MALRD1: variants seen among roughly 807,000 people sequenced by gnomAD.
MALRD1 encodes MAM and LDL-receptor class A domain-containing protein 1.
A neutral mutation model predicts 242.1 loss-of-function variants in MALRD1; 247 were observed. The observed-to-expected ratio is 1.02, with a 90% CI of 0.92 to 1.13. The LOEUF (loss-of-function observed/expected upper bound fraction) is 1.13, where lower values mean the gene tolerates loss of function less well. Among genes scored for constraint, MALRD1 ranks in the 50% most tolerant of loss-of-function variants. The pLI, the probability that MALRD1 is intolerant of heterozygous loss-of-function variation, is 0.00. For synonymous variants in MALRD1, 995 were observed against 866.6 expected, an observed-to-expected ratio of 1.15 and a Z score of -2.60; for missense variants, 2,989 against 2,533.1, an observed-to-expected ratio of 1.18 and a Z score of -3.86.
intron 26 of MALRD1, among the ~76,000 whole-genome samples, chr10:19,385,230 T>A (rs1846026424): frequency 6.6e-6 from 1 of 152,016 alleles, no homozygotes; most frequent in South Asian, 2.1e-4. Context: ...TCTCCTTTTG[T>A]AGTGTTTGTG....
chr10:19,528,584 T>A (rs577036025), intron 31 of MALRD1, among the ~76,000 whole-genome samples: 39 of 152,244 alleles, frequency 2.6e-4, no homozygotes, highest in African/African-American at 8.9e-4. Flanking sequence ...AGAGCAAGAC[T>A]CCGTCTCTAA....
chr10:19,141,860 C>G (rs1272975192), intron 10 of MALRD1, among the ~76,000 whole-genome samples: 1 of 152,050 alleles, frequency 6.6e-6, no homozygotes, highest in South Asian at 2.1e-4. Flanking sequence ...GATATTGTCT[C>G]TAGATGTCTT....
intron 18 of MALRD1, among the ~76,000 whole-genome samples, chr10:19,243,924 C>T (rs184497947): frequency 6.6e-6 from 1 of 151,486 alleles, no homozygotes; most frequent in Non-Finnish European, 1.5e-5. Context: ...GAAAGAAATG[C>T]AAAAAAAGTA....
chr10:19,259,839 T>C (rs1036412171), intron 19 of MALRD1, among the ~76,000 whole-genome samples: 2 of 152,188 alleles, frequency 1.3e-5, no homozygotes, highest in African/African-American at 4.8e-5. Flanking sequence ...CAACACAGTT[T>C]CTTTCTTATC....
At chr10:19,423,420 ATAGG>A (rs1221755163) in intron 28 of MALRD1, among the ~76,000 whole-genome samples, 1 of 152,024 alleles carries the variant, frequency 6.6e-6, no homozygotes, top group East Asian at 1.9e-4. Context: ...ATATTAAATG[ATAGG>A]TAGATTAATC....
rs1354787307 is a variant in MALRD1 at position 19,073,877 on chromosome 10, C to CATT, written c.340+7018_340+7019insATT. 5.9e-5 allele frequency among the ~76,000 whole-genome samples: 9 copies of CATT among 152,076 alleles called. No individual in the cohort carries two copies. In the East Asian group the frequency reaches 1.5e-3, roughly 26 times the overall value. ...AAAATTTGGGTTTGAATAAATTTCT[C>CATT]TGAGACTAGAGACAAACTCTGACTC... On this transcript the variant is annotated intron_variant, in intron 2 of 39. Transcript: ENST00000454679.
chr10:19,435,128 TATA>T (rs1236145057), intron 28 of MALRD1, among the ~76,000 whole-genome samples: 2 of 149,232 alleles, frequency 1.3e-5, no homozygotes, highest in African/African-American at 4.9e-5. Context: ...TAATATATTT[TATA>T]ATATATATTT....
At chr10:19,283,331 G>A in intron 21 of MALRD1, 150 bp downstream of exon 21, 1 of 631,474 alleles carries the variant, frequency 1.6e-6, no homozygotes, top group Admixed American at 4.2e-5. Flanking sequence ...CATACAAAAT[G>A]GAAAAATTAT....
chr10:19,365,621 G>C (rs1845073369), intron 26 of MALRD1, among the ~76,000 whole-genome samples: 1 of 131,048 alleles, frequency 7.6e-6, no homozygotes, highest in East Asian at 2.5e-4. Flanking sequence ...GATTCATTAA[G>C]ATTTCTCAGT....
chr10:19,440,211 T>A (rs1054228616), intron 28 of MALRD1, among the ~76,000 whole-genome samples: 2 of 152,210 alleles, frequency 1.3e-5, no homozygotes, highest in African/African-American at 2.4e-5. Context: ...TATATACTAG[T>A]TTTTAGTCCA....
At chr10:19,087,066 G>A (rs1835693283) in intron 2 of MALRD1, among the ~76,000 whole-genome samples, 1 of 151,988 alleles carries the variant, frequency 6.6e-6, no homozygotes, top group Non-Finnish European at 1.5e-5. Context: ...TATCTTATCT[G>A]TATTTTACTG....
At chr10:19,231,881 A>C (rs1838096381) in intron 18 of MALRD1, among the ~76,000 whole-genome samples, 1 of 151,912 alleles carries the variant, frequency 6.6e-6, no homozygotes, top group African/African-American at 2.4e-5. Flanking sequence ...AACTTGACTC[A>C]TATAGACTTA....
intron 7 of MALRD1, among the ~76,000 whole-genome samples, chr10:19,125,369 CTTTCTTTCT>C (rs1837245621): frequency 4.3e-5 from 5 of 115,038 alleles, no homozygotes; most frequent in East Asian, 2.5e-4. Flanking sequence ...TTCTTTCTTT[CTTTCTTTCT>C]TTCCTTCCTT....
At chr10:19,450,103 C>T (rs1835235906) in intron 28 of MALRD1, among the ~76,000 whole-genome samples, 2 of 152,126 alleles carry the variant, frequency 1.3e-5, no homozygotes, top group South Asian at 4.1e-4. Context: ...TTTCCCCGAC[C>T]CCTGACCTCT....
rs1000123572 is a variant in MALRD1 at position 19,672,393 on chromosome 10, T to C, written c.6138-19889T>C. On this transcript the variant is annotated intron_variant, in intron 36 of 39. Transcript: ENST00000454679. ...TTCTAGATGTGTTATATTTGATTGATGCAACAGAGATATATAGCTTTTTTT... is the reference window on the plus strand; with the variant it reads ...TTCTAGATGTGTTATATTTGATTGACGCAACAGAGATATATAGCTTTTTTT... Among the ~76,000 whole-genome samples, 7 of 150,930 alleles carry C rather than the reference T, an allele frequency of 4.6e-5. No individual in the cohort carries two copies. The East Asian group carries it at 9.7e-4, about 21-fold the overall frequency.
rs750796727 is a variant in MALRD1 at position 19,331,542 on chromosome 10, T to A, written c.3861T>A (p.Asn1287Lys). The part of the protein sequence containing the change: ...IAKDKLCDFV[N>K]DCADNSDETT... The stretch of plus-strand genomic sequence containing the variant: ...AAGACAAGCTGTGTGATTTTGTGAA[T>A]GATTGTGCTGATAATTCAGATGAGA... Residue 1287 changes from asparagine to lysine, a missense_variant, in exon 24 of 40, where the codon AAT becomes AAA. Transcript: ENST00000454679. 67 of 1,550,178 alleles carry A rather than the reference T, an allele frequency of 4.3e-5. No individual in the cohort carries two copies. Among genetic ancestry groups the A allele is most frequent in the Admixed American group, 5.9e-5 (3 of 50,974 alleles).
intron 10 of MALRD1, among the ~76,000 whole-genome samples, chr10:19,138,622 G>A (rs1283666688): frequency 6.6e-6 from 1 of 151,834 alleles, no homozygotes; most frequent in African/African-American, 2.4e-5. Flanking sequence ...GTTTCATCAT[G>A]TTGGCCAGGC....
intron 26 of MALRD1, among the ~76,000 whole-genome samples, chr10:19,371,105 A>AAG (rs1554841456): frequency 1.0e-4 from 15 of 149,984 alleles, no homozygotes; most frequent in African/African-American, 3.4e-4. Flanking sequence ...AAAAAAAAAA[A>AAG]AAAAAGAAAA....
chr10:19,502,246 AC>A, intron 31 of MALRD1, among the ~76,000 whole-genome samples: 1 of 151,972 alleles, frequency 6.6e-6, no homozygotes, highest in Non-Finnish European at 1.5e-5. Flanking sequence ...TAAATAATAA[AC>A]TTTTCTAAAA....
Sources: gnomAD v4.1 joint callset for allele counts (sites outside exome capture counted in the v4.1 genomes callset) on GRCh38, gnomAD v4.1.1 for gene constraint, MANE v1.5 for transcripts, NCBI Gene and HGNC (gene_info 2026-07-23, HGNC 2026-07-21) for gene names.